Variants in ITGA9 observed in about 807,000 individuals in gnomAD.
The protein encoded by ITGA9 is integrin alpha-9.
In ITGA9, 56 loss-of-function variants were observed where a neutral mutation model predicts 127.8. That is an observed-to-expected ratio of 0.44 (90% CI 0.35 to 0.55). The LOEUF is 0.55. Ranked by LOEUF, ITGA9 falls within the 20% of genes least tolerant of loss-of-function variation. ITGA9 has a pLI of 0.00. For missense variants in ITGA9, 1,196 were observed against 1,347.1 expected (o/e 0.89, Z 1.76); for synonymous variants, 508 against 514.5 (o/e 0.99, Z 0.17).
chr3:37,622,783 T>G (rs1473610721), intron 15 of ITGA9, among the ~76,000 whole-genome samples: 1 of 151,880 alleles, frequency 6.6e-6, no homozygotes, highest in South Asian at 2.1e-4. Flanking sequence ...AGGCAGAGAT[T>G]GCAATGAGCT....
At chr3:37,543,957 A>G (rs890399860) in intron 15 of ITGA9, among the ~76,000 whole-genome samples, 2 of 152,208 alleles carry the variant, frequency 1.3e-5, no homozygotes, top group Non-Finnish European at 2.9e-5. Context: ...CGTCAGTCTT[A>G]GATTACATTG....
In ITGA9 at chr3:37,741,715, C is replaced by A; in HGVS notation, c.2235-15C>A. Reference sequence around the variant, plus strand: ...GTGTTGGCCAGCGTTCATTCATTCTCCTCTCTCTGCACAGTGGCAACACGG... The same window carrying A: ...GTGTTGGCCAGCGTTCATTCATTCTACTCTCTCTGCACAGTGGCAACACGG... On this transcript the variant is annotated splice_polypyrimidine_tract_variant and intron_variant, in intron 20 of 27. Coordinates refer to ENST00000264741, the MANE Select transcript of ITGA9 (RefSeq NM_002207.3). 6.2e-7 allele frequency: 1 copy of A among 1,607,666 alleles called. No homozygotes were observed. The highest frequency in any genetic ancestry group is 1.1e-5 in the South Asian group (1 of 90,266).
At chr3:37,459,342 G>T (rs1698293376) in intron 1 of ITGA9, among the ~76,000 whole-genome samples, 1 of 152,184 alleles carries the variant, frequency 6.6e-6, no homozygotes, top group Admixed American at 6.5e-5. Context: ...CTAGAGCCTT[G>T]GAAGTCCAAG....
intron 7 of ITGA9, among the ~76,000 whole-genome samples, chr3:37,506,903 A>G (rs1698849902): frequency 6.6e-6 from 1 of 152,094 alleles, no homozygotes. Context: ...GGGCTTGGAG[A>G]AGTGGAATCT....
intron 11 of ITGA9, among the ~76,000 whole-genome samples, chr3:37,520,952 T>C (rs1219485290): frequency 1.3e-5 from 2 of 152,122 alleles, no homozygotes; most frequent in African/African-American, 4.8e-5. Flanking sequence ...CTCCCAGTGT[T>C]TTGTTTGGTT....
intron 1 of ITGA9, 88 bp from the exon 2 acceptor site, chr3:37,470,919 C>A: frequency 7.4e-7 from 1 of 1,355,222 alleles, no homozygotes; most frequent in African/African-American, 1.4e-5. Flanking sequence ...ACTCAGAGAG[C>A]CCACCCGTGG....
At chr3:37,633,946 G>A (rs866265722) in intron 16 of ITGA9, among the ~76,000 whole-genome samples, 7 of 152,114 alleles carry the variant, frequency 4.6e-5, no homozygotes, top group Admixed American at 6.6e-5. Flanking sequence ...TCAAAAAATC[G>A]TAGGTTGAAC....
intron 11 of ITGA9, 115 bp from the exon 12 acceptor site, chr3:37,523,406 T>C (rs78844774): frequency 1.2e-6 from 1 of 812,756 alleles, no homozygotes; most frequent in Non-Finnish European, 2.1e-6. Context: ...TTTTTTTTTT[T>C]CTTTCAACAA....
Position 37,818,191 on chromosome 3 carries a change from T to TTAAAAAAAAAAAAA in ITGA9, c.3010-700_3010-699insTAAAAAAAAAAAAA, listed in dbSNP as rs1553674108. 1.3e-3 allele frequency: 43 copies of TTAAAAAAAAAAAAA among 31,968 alleles called. 1 individual carries two copies. Among genetic ancestry groups the TTAAAAAAAAAAAAA allele is most frequent in the African/African-American group, 3.8e-3 (40 of 10,664 alleles). The allele number at this position is 31,968 out of a possible 1,614,324, so 2.0% of individuals were successfully genotyped here. On this transcript the variant is annotated intron_variant, in intron 27 of 27. Transcript: ENST00000264741. ...CTTTCCACTGTACATTAAGACTCTC[T>TTAAAAAAAAAAAAA]AAAAAAAAAAAAAAAAAAAAAAAAA...
intron 18 of ITGA9, among the ~76,000 whole-genome samples, chr3:37,708,261 G>C (rs951434593): frequency 1.1e-4 from 16 of 152,314 alleles, no homozygotes; most frequent in Admixed American, 9.2e-4. Flanking sequence ...CTCCTGTAGG[G>C]TTCCAAAAGA....
At chr3:37,654,636 G>A (rs920598736) in intron 17 of ITGA9, among the ~76,000 whole-genome samples, 3 of 152,190 alleles carry the variant, frequency 2.0e-5, no homozygotes, top group Admixed American at 1.3e-4. Context: ...AACTATGAGA[G>A]TTAAGTTTGG....
chr3:37,779,843 G>C, intron 24 of ITGA9, 59 bp from the exon 25 acceptor site: 1 of 1,584,162 alleles, frequency 6.3e-7, no homozygotes, highest in Non-Finnish European at 8.7e-7. Flanking sequence ...TCTGTAAATT[G>C]TTGTGGATTT....
At chr3:37,722,618 A>G (rs1054775454) in intron 18 of ITGA9, among the ~76,000 whole-genome samples, 4 of 152,232 alleles carry the variant, frequency 2.6e-5, no homozygotes, top group African/African-American at 9.6e-5. Context: ...TAATGTTTTC[A>G]GAGTTCATTT....
At chr3:37,542,944 G>T (rs1699289162) in intron 15 of ITGA9, among the ~76,000 whole-genome samples, 1 of 151,856 alleles carries the variant, frequency 6.6e-6, no homozygotes, top group African/African-American at 2.4e-5. Flanking sequence ...AGTGATGCTG[G>T]ATCACACTGC....
chr3:37,755,670 A>G (rs541527941), intron 23 of ITGA9, among the ~76,000 whole-genome samples: 2 of 152,370 alleles, frequency 1.3e-5, no homozygotes, highest in Admixed American at 6.5e-5. Context: ...TTTTCTGAGA[A>G]TGTATTGCAG....
chr3:37,711,030 T>C (rs1473056368), intron 18 of ITGA9, among the ~76,000 whole-genome samples: 1 of 152,174 alleles, frequency 6.6e-6, no homozygotes, highest in Non-Finnish European at 1.5e-5. Flanking sequence ...GCTCGAGGTC[T>C]CTTATGAGAC....
intron 11 of ITGA9, among the ~76,000 whole-genome samples, chr3:37,520,411 C>T (rs72867567): frequency 0.043 from 6,507 of 152,188 alleles, 388 homozygotes; most frequent in African/African-American, 0.14. Context: ...TATTTATCCA[C>T]GAGGCCCAAG....
chr3:37,546,743 T>A (rs1272708374), intron 15 of ITGA9, among the ~76,000 whole-genome samples: 4 of 152,142 alleles, frequency 2.6e-5, no homozygotes, highest in Non-Finnish European at 5.9e-5. Flanking sequence ...TGGGGCCTGC[T>A]TGCCTCTGTC....
chr3:37,540,858 T>C (rs1222182295), intron 14 of ITGA9, among the ~76,000 whole-genome samples: 2 of 152,168 alleles, frequency 1.3e-5, no homozygotes, highest in Admixed American at 1.3e-4. Context: ...CTCCTGAGAG[T>C]TTCCAGGTCT....
Sources: gnomAD v4.1 joint callset for allele counts (sites outside exome capture counted in the v4.1 genomes callset) on GRCh38, gnomAD v4.1.1 for gene constraint, MANE v1.5 for transcripts, NCBI Gene and HGNC (gene_info 2026-07-23, HGNC 2026-07-21) for gene names.